The following MKLN1 variants were observed in gnomAD, a reference collection of about 807,000 sequenced individuals.
The protein encoded by MKLN1 is muskelin.
A neutral mutation model predicts 99.0 loss-of-function variants in MKLN1; 18 were observed. The ratio of observed to expected loss-of-function variants is 0.18; its 90% CI spans 0.13 to 0.27. The LOEUF (loss-of-function observed/expected upper bound fraction) is 0.27. MKLN1 is among the 10% of genes least tolerant of loss of function. The pLI is 1.00. For synonymous variants in MKLN1, 288 were observed against 293.2 expected (o/e 0.98, Z 0.18); for missense variants, 621 against 875.9 (o/e 0.71, Z 3.67).
intron 3 of MKLN1, among the ~76,000 whole-genome samples, chr7:131,276,279 G>A (rs536451234): frequency 6.6e-6 from 1 of 152,204 alleles, no homozygotes; most frequent in African/African-American, 2.4e-5. Flanking sequence ...ATGTTGGGGA[G>A]AGAGGGAGAG....
intron 12 of MKLN1, among the ~76,000 whole-genome samples, chr7:131,448,847 T>G (rs1194197623): frequency 6.6e-6 from 1 of 152,246 alleles, no homozygotes; most frequent in East Asian, 1.9e-4. Flanking sequence ...GTTGACCATC[T>G]ACTAGCATCT....
intron 3 of MKLN1, among the ~76,000 whole-genome samples, chr7:131,260,216 T>C (rs1797712943): frequency 2.0e-5 from 3 of 152,118 alleles, no homozygotes; most frequent in Admixed American, 2.0e-4. Flanking sequence ...CTAATTTTTT[T>C]TGTATTTTAG....
chr7:131,150,485 TCAAA>T lies in MKLN1; in HGVS notation c.-297+7568_-297+7571del, dbSNP rs537251791. On this transcript the variant is annotated intron_variant, in intron 2 of 7. Transcript: ENST00000416992. ...TTGGGTGACAGATGAAGACCCTGTCTCAAACAAACAAACAAACAAACAAACAATA... is the reference window on the plus strand; with the variant it reads ...TTGGGTGACAGATGAAGACCCTGTCTCAAACAAACAAACAAACAAACAATA... Among the ~76,000 whole-genome samples the T allele has an allele frequency of 5.1e-3, 771 of 151,998 alleles. 5 individuals are homozygous for T. Among genetic ancestry groups the T allele is most frequent in the African/African-American group, 0.017 (702 of 41,412 alleles).
intron 17 of MKLN1, among the ~76,000 whole-genome samples, chr7:131,479,856 AAAT>A (rs1797070301): frequency 2.7e-5 from 4 of 147,292 alleles, no homozygotes; most frequent in Non-Finnish European, 6.0e-5. Flanking sequence ...AAATTTAAAT[AAAT>A]AAATAAATAA....
chr7:131,337,464 A>T (rs1050054501), intron 1 of MKLN1, among the ~76,000 whole-genome samples: 51 of 151,932 alleles, frequency 3.4e-4, no homozygotes, highest in African/African-American at 1.2e-3. Context: ...ACTTATTCTG[A>T]ATTTAACTAT....
At chr7:131,436,409 A>G (rs908914413) in intron 9 of MKLN1, among the ~76,000 whole-genome samples, 1 of 152,178 alleles carries the variant, frequency 6.6e-6, no homozygotes, top group Admixed American at 6.5e-5. Context: ...TTATTTCTGC[A>G]GGAAGAACTC....
At chr7:131,455,734 G>A (rs902972456) in intron 12 of MKLN1, among the ~76,000 whole-genome samples, 5 of 151,930 alleles carry the variant, frequency 3.3e-5, no homozygotes, top group South Asian at 2.1e-4. Flanking sequence ...CTCCTCCCCC[G>A]CAAATATACC....
chr7:131,312,969 C>T (rs1429092343), intron 3 of MKLN1, among the ~76,000 whole-genome samples: 1 of 152,126 alleles, frequency 6.6e-6, no homozygotes, highest in African/African-American at 2.4e-5. Flanking sequence ...CTTGTCTAGT[C>T]CTCAGAATCT....
intron 1 of MKLN1, among the ~76,000 whole-genome samples, chr7:131,343,080 C>T (rs961625190): frequency 6.6e-6 from 1 of 152,180 alleles, no homozygotes; most frequent in African/African-American, 2.4e-5. Context: ...CAGAGAATTG[C>T]GCTTCCACTG....
At chr7:131,153,739 T>C (rs1467596598) in intron 2 of MKLN1, among the ~76,000 whole-genome samples, 1 of 146,806 alleles carries the variant, frequency 6.8e-6, no homozygotes, top group African/African-American at 2.5e-5. Context: ...CTTGGCTCAC[T>C]GCAACCTCCG....
chr7:131,406,426 G>A (rs915491000), intron 6 of MKLN1, among the ~76,000 whole-genome samples: 24 of 151,968 alleles, frequency 1.6e-4, no homozygotes, highest in Non-Finnish European at 2.2e-4. Flanking sequence ...TAGACTTTCA[G>A]CTTCATATTC....
rs1036105618 is a variant in MKLN1, at chr7:131,491,673, TGAG to T, written c.*3948_*3950del. ...TGATGTTGCCCTCATTTGTTTTGGG[TGAG>T]GACTCATTACTGCAGTATATTGATC... On this transcript the variant is annotated 3_prime_UTR_variant, in exon 18 of 18. Coordinates refer to ENST00000352689, the MANE Select transcript of MKLN1 (RefSeq NM_013255.5). The T allele has an allele frequency of 6.6e-6, 1 of 152,308 alleles. No homozygotes were observed. The highest frequency in any genetic ancestry group is 2.4e-5 in the African/African-American group (1 of 41,450). 9.4% of individuals were successfully genotyped at this position (152,308 alleles called of 1,614,324 possible). A position where few individuals can be genotyped will look rare whatever the true frequency, so the allele number is the denominator to read the frequency against.
At chr7:131,462,688 G>A (rs185433296) in intron 12 of MKLN1, among the ~76,000 whole-genome samples, 8 of 152,290 alleles carry the variant, frequency 5.3e-5, no homozygotes, top group African/African-American at 1.9e-4. Flanking sequence ...GAACAAAACA[G>A]CCTCTTTCCT....
rs907882086 is a variant in MKLN1, at chr7:131,489,976, T to A, written c.*2248T>A. 2 of 152,398 alleles carry A rather than the reference T, an allele frequency of 1.3e-5. No individual in the cohort carries two copies. Among genetic ancestry groups the A allele is most frequent in the African/African-American group, 4.8e-5 (2 of 41,440 alleles). 9.4% of individuals were successfully genotyped at this position (152,398 alleles called of 1,614,324 possible). A position where few individuals can be genotyped will look rare whatever the true frequency, so the allele number is the denominator to read the frequency against. On this transcript the variant is annotated 3_prime_UTR_variant, in exon 18 of 18. Coordinates refer to ENST00000352689, the MANE Select transcript of MKLN1 (RefSeq NM_013255.5). ...AAGTGAGATAGATGTACTGAGGAGATAATTGAAAAGTCAGACTCTGTACTG... is the reference window on the plus strand; with the variant it reads ...AAGTGAGATAGATGTACTGAGGAGAAAATTGAAAAGTCAGACTCTGTACTG...
rs181857506 is a variant in MKLN1 at position 131,360,290 on chromosome 7, T to C, written c.99-15134T>C. Among the ~76,000 whole-genome samples the C allele has an allele frequency of 5.3e-5, 8 of 152,312 alleles. No homozygotes were observed. The East Asian group carries it at 1.2e-3, about 22-fold the overall frequency. On this transcript the variant is annotated intron_variant, in intron 1 of 17. Coordinates refer to ENST00000352689, the MANE Select transcript of MKLN1 (RefSeq NM_013255.5). ...TTCTTTAGACCATTCACATACAAAT[T>C]GATTGTTGATATAATTGGATTGATA...
intron 10 of MKLN1, among the ~76,000 whole-genome samples, chr7:131,441,664 A>G (rs1563349878): frequency 6.6e-6 from 1 of 152,204 alleles, no homozygotes. Flanking sequence ...CTGGTATGCT[A>G]GGAAGAACTA....
chr7:131,442,639 G>T (rs1259072330), intron 10 of MKLN1, among the ~76,000 whole-genome samples: 1 of 152,172 alleles, frequency 6.6e-6, no homozygotes, highest in African/African-American at 2.4e-5. Context: ...ACATCAAATG[G>T]TTGGGTTTTA....
At chr7:131,151,408 G>A (rs1172669200) in intron 2 of MKLN1, among the ~76,000 whole-genome samples, 1 of 152,104 alleles carries the variant, frequency 6.6e-6, no homozygotes, top group Admixed American at 6.5e-5. Context: ...TTGTTTTTGT[G>A]TTATGTAAAA....
chr7:131,378,942 G>A (rs1414590151), intron 2 of MKLN1, among the ~76,000 whole-genome samples: 1 of 148,880 alleles, frequency 6.7e-6, no homozygotes, highest in Non-Finnish European at 1.5e-5. Context: ...GGATAAGAAT[G>A]AAACAGAAGA....
Sources: gnomAD v4.1 joint callset for allele counts (sites outside exome capture counted in the v4.1 genomes callset) on GRCh38, gnomAD v4.1.1 for gene constraint, MANE v1.5 for transcripts, NCBI Gene and HGNC (gene_info 2026-07-23, HGNC 2026-07-21) for gene names.